The following TRAK1 variants were observed in gnomAD, a reference collection of about 807,000 sequenced individuals.
TRAK1 encodes trafficking kinesin protein 1, also known as trafficking kinesin-binding protein 1.
Under a neutral mutation model 92.1 loss-of-function variants are expected in TRAK1, and 33 were observed. The observed-to-expected ratio is 0.36, with a 90% CI of 0.27 to 0.48. The LOEUF is 0.48. TRAK1 is among the 20% of genes least tolerant of loss of function. The pLI is 0.99. For synonymous variants in TRAK1, 521 were observed against 517.3 expected (o/e 1.01, Z -0.10); for missense variants, 1,123 against 1,257.9 (o/e 0.89, Z 1.62).
At chr3:42,162,865 C>T (rs1701423533) in intron 2 of TRAK1, among the ~76,000 whole-genome samples, 2 of 152,076 alleles carry the variant, frequency 1.3e-5, no homozygotes, top group Admixed American at 6.6e-5. Context: ...TTAAATTTTT[C>T]GTTAGAAATT....
At chr3:42,025,696 CG>C (rs1701887662) in intron 1 of TRAK1, among the ~76,000 whole-genome samples, 1 of 100,284 alleles carries the variant, frequency 1.0e-5, no homozygotes, top group Admixed American at 1.2e-4. Flanking sequence ...AGGGCGGGGG[CG>C]GGGACTGCTT....
rs751771575 is a variant in TRAK1 at position 42,191,624 on chromosome 3, G to T, written c.757G>T (p.Val253Leu). 6.2e-7 allele frequency: 1 copy of T among 1,601,978 alleles called. No homozygotes were observed. The highest frequency in any genetic ancestry group is 8.5e-7 in the Non-Finnish European group (1 of 1,174,144). Residue 253 changes from valine to leucine, a missense_variant, in exon 7 of 16, where the codon GTG (valine) becomes TTG (leucine). Val to Leu is a conservative substitution (Grantham distance 32, BLOSUM62 1). Transcript: ENST00000327628. ...GGAGCAGCAGCTGGTCAATGACTGC[G>T]TGAAGGAGCTGAGTATGTCCCCGCA... The part of the protein sequence containing the change: ...EKEQQLVNDC[V>L]KELRDANVQI...
chr3:42,102,196 G>T (rs1706859860), intron 1 of TRAK1, among the ~76,000 whole-genome samples: 1 of 152,218 alleles, frequency 6.6e-6, no homozygotes. Context: ...ATGTTGGCCA[G>T]GCTGGTCTCG....
At chr3:42,118,662 A>C (rs545418979) in intron 1 of TRAK1, among the ~76,000 whole-genome samples, 2 of 152,230 alleles carry the variant, frequency 1.3e-5, no homozygotes, top group Non-Finnish European at 2.9e-5. Flanking sequence ...AGGCTCCAGC[A>C]CACTTTCTTC....
chr3:42,053,212 T>G (rs1703050606), intron 1 of TRAK1, among the ~76,000 whole-genome samples: 1 of 152,208 alleles, frequency 6.6e-6, no homozygotes, highest in African/African-American at 2.4e-5. Flanking sequence ...GGACTCTGTC[T>G]GGCTGACTTT....
intron 1 of TRAK1, among the ~76,000 whole-genome samples, chr3:42,077,873 A>C (rs1402734730): frequency 1.3e-5 from 2 of 152,216 alleles, no homozygotes; most frequent in Non-Finnish European, 2.9e-5. Context: ...TGTTCTAAGT[A>C]TAGAATGTTA....
intron 13 of TRAK1, among the ~76,000 whole-genome samples, chr3:42,207,157 C>T (rs189831108): frequency 6.6e-6 from 1 of 152,302 alleles, no homozygotes; most frequent in Admixed American, 6.5e-5. Context: ...TCATCCTTCT[C>T]AGACTCCAGT....
rs1213080933 is a variant in TRAK1 at position 42,210,451 on chromosome 3, T to C, written c.1963+466T>C. 4.0e-6 allele frequency: 5 copies of C among 1,248,006 alleles called. No homozygotes were observed. The African/African-American group carries it at 8.0e-5, about 20-fold the overall frequency. 77.3% of individuals were successfully genotyped at this position (1,248,006 alleles called of 1,614,324 possible). On this transcript the variant is annotated intron_variant, in intron 14 of 15. Coordinates refer to ENST00000327628, the MANE Select transcript of TRAK1 (RefSeq NM_001042646.3). ...GTGGGCTTTTGGGTCCCTGAAAACA[T>C]CAGTGCCCTTCTTCCTGGTCTGGGT...
In TRAK1 at chr3:42,206,081, GAA is replaced by G. The variant is rs563470551; in HGVS notation, c.1744+3331_1744+3332del. On this transcript the variant is annotated intron_variant, in intron 13 of 15. Coordinates refer to ENST00000327628, the MANE Select transcript of TRAK1 (RefSeq NM_001042646.3). ...GGGGAATGAGCTGGAGAAATGGAAA[GAA>G]AGAGGTAACTTGGGCTCTGAATAAG... is the stretch of plus-strand genomic sequence containing the variant. Among the ~76,000 whole-genome samples the G allele has an allele frequency of 6.6e-5, 10 of 152,332 alleles. No individual in the cohort carries two copies. In the South Asian group the frequency reaches 1.9e-3, roughly 28 times the overall value.
chr3:42,034,629 A>G (rs1245735931), intron 1 of TRAK1, among the ~76,000 whole-genome samples: 1 of 152,080 alleles, frequency 6.6e-6, no homozygotes, highest in East Asian at 1.9e-4. Flanking sequence ...GCCTTTTGCC[A>G]TGATTACTGT....
chr3:42,078,012 G>A (rs908694255), intron 1 of TRAK1, among the ~76,000 whole-genome samples: 8 of 152,216 alleles, frequency 5.3e-5, no homozygotes, highest in African/African-American at 1.4e-4. Context: ...GTGGCACCAC[G>A]TTTTGTAGAC....
intron 1 of TRAK1, among the ~76,000 whole-genome samples, chr3:42,103,440 G>T (rs187484370): frequency 1.3e-5 from 2 of 152,250 alleles, no homozygotes; most frequent in East Asian, 3.9e-4. Flanking sequence ...CTCCCAAAGT[G>T]CTGGGATTAC....
chr3:42,187,258 G>A (rs533549404), intron 4 of TRAK1, among the ~76,000 whole-genome samples: 3 of 152,204 alleles, frequency 2.0e-5, no homozygotes, highest in Admixed American at 6.5e-5. Flanking sequence ...TCATCCAAGT[G>A]TGAGAGCAAG....
chr3:42,157,666 G>A (rs1357862847), intron 2 of TRAK1, among the ~76,000 whole-genome samples: 1 of 151,972 alleles, frequency 6.6e-6, no homozygotes, highest in East Asian at 1.9e-4. Flanking sequence ...TAGTTGGCCT[G>A]TATTGTTCAA....
chr3:42,171,018 G>C (rs1415947479), intron 2 of TRAK1, among the ~76,000 whole-genome samples: 1 of 151,682 alleles, frequency 6.6e-6, no homozygotes, highest in African/African-American at 2.4e-5. Flanking sequence ...TAGTAGAGAC[G>C]GGATTTCACC....
chr3:42,110,156 G>A (rs1708194843), intron 1 of TRAK1, among the ~76,000 whole-genome samples: 1 of 124,342 alleles, frequency 8.0e-6, no homozygotes, highest in Admixed American at 8.5e-5. Flanking sequence ...TTGCAAAATT[G>A]GACACTAAAA....
chr3:42,193,687 A>G (rs1706158824), intron 8 of TRAK1, 137 bp from the exon 9 acceptor site: 3 of 958,874 alleles, frequency 3.1e-6, no homozygotes, highest in Non-Finnish European at 5.0e-6. Context: ...AAATAATATA[A>G]AAAGCAGAAT....
intron 4 of TRAK1, among the ~76,000 whole-genome samples, chr3:42,187,756 C>T (rs114181193): frequency 0.04 from 6,134 of 152,156 alleles, 434 homozygotes; most frequent in African/African-American, 0.14. Flanking sequence ...TGCCAGCCAC[C>T]GTGCCCGGCC....
intron 1 of TRAK1, among the ~76,000 whole-genome samples, chr3:42,121,078 C>T (rs1467971958): frequency 6.6e-6 from 1 of 152,088 alleles, no homozygotes; most frequent in East Asian, 1.9e-4. Flanking sequence ...TGAGGCTGCT[C>T]CTACCTGATC....
Sources: gnomAD v4.1 joint callset for allele counts (sites outside exome capture counted in the v4.1 genomes callset) on GRCh38, gnomAD v4.1.1 for gene constraint, MANE v1.5 for transcripts, NCBI Gene and HGNC (gene_info 2026-07-23, HGNC 2026-07-21) for gene names.